OPCML: variants seen among roughly 807,000 people sequenced by gnomAD.
The protein encoded by OPCML is opioid-binding protein/cell adhesion molecule.
Under a neutral mutation model 37.8 loss-of-function variants are expected in OPCML, and 13 were observed. That is an observed-to-expected ratio of 0.34 (90% CI 0.22 to 0.55). OPCML has a LOEUF of 0.55. Ranked by LOEUF, OPCML falls within the 20% of genes least tolerant of loss-of-function variation. OPCML has a pLI of 0.91. For missense variants in OPCML, 341 were observed against 435.6 expected (o/e 0.78, Z 1.93); for synonymous variants, 176 against 168.8 (o/e 1.04, Z -0.33).
Position 132,441,158 on chromosome 11 carries a change from C to CTTTTTT in OPCML, c.506-3805_506-3800dup, listed in dbSNP as rs749099654. Among the ~76,000 whole-genome samples the CTTTTTT allele has an allele frequency of 1.7e-4, 18 of 108,048 alleles. 2 individuals carry two copies. The highest frequency in any genetic ancestry group is 4.8e-4 in the African/African-American group (11 of 22,728). The allele number at this position is 108,048 out of a possible 152,430, so 70.9% of individuals were successfully genotyped here. ...ATTCTGAAGATGTGTTCACCAAGGA[C>CTTTTTT]TTTTTTGTTTTTTTTTTTTTTTTTT... On this transcript the variant is annotated intron_variant, in intron 4 of 7. Transcript: ENST00000524381.
intron 3 of OPCML, among the ~76,000 whole-genome samples, chr11:132,548,085 A>G (rs1283496931): frequency 6.6e-6 from 1 of 152,196 alleles, no homozygotes; most frequent in African/African-American, 2.4e-5. Context: ...GAGAGTTTAA[A>G]TTATAAATGG....
intron 1 of OPCML, among the ~76,000 whole-genome samples, chr11:133,523,197 G>C (rs1046133286): frequency 6.6e-6 from 1 of 152,168 alleles, no homozygotes; most frequent in Non-Finnish European, 1.5e-5. Context: ...CCAGTTAAGA[G>C]ATTGAGATTA....
intron 2 of OPCML, among the ~76,000 whole-genome samples, chr11:132,680,061 A>G (rs1042320711): frequency 1.3e-5 from 2 of 152,118 alleles, no homozygotes; most frequent in African/African-American, 4.8e-5. Context: ...TGTATTCCAG[A>G]ATGTGCTCAG....
chr11:132,468,373 A>G (rs563987539), intron 4 of OPCML, among the ~76,000 whole-genome samples: 6 of 152,280 alleles, frequency 3.9e-5, no homozygotes, highest in Admixed American at 3.9e-4. Context: ...TCAATCCTGA[A>G]CAACTAGTGC....
Position 132,943,729 on chromosome 11 carries a change from T to G in OPCML, c.62-719A>C, listed in dbSNP as rs2136678985. 6.6e-6 allele frequency: 1 copy of G among 151,114 alleles called. No individual in the cohort carries two copies. Among genetic ancestry groups the G allele is most frequent in the South Asian group, 2.1e-4 (1 of 4,812 alleles). The allele number at this position is 151,114 out of a possible 1,614,324, so 9.4% of individuals were successfully genotyped here. A position where few individuals can be genotyped will look rare whatever the true frequency, so the allele number is the denominator to read the frequency against. ...TCGGTGGCCGTCCTCTGCAGCCCGG[T>G]CGGCGACTCGCGGCCAGCCGGGGGA... On this transcript the variant is annotated intron_variant, in intron 1 of 7. Transcript: ENST00000524381. This position sits in a 1 kb window ranked among gnomAD's most constrained non-coding sequence, Gnocchi z 4.3.
intron 1 of OPCML, among the ~76,000 whole-genome samples, chr11:133,456,674 T>C (rs1034175953): frequency 6.6e-6 from 1 of 151,324 alleles, no homozygotes; most frequent in Non-Finnish European, 1.5e-5. Flanking sequence ...CTAAAGGAAA[T>C]TGAGAAAAAG....
At chr11:132,959,345 T>C (rs1026761754) in intron 1 of OPCML, among the ~76,000 whole-genome samples, 2 of 152,226 alleles carry the variant, frequency 1.3e-5, no homozygotes, top group Non-Finnish European at 2.9e-5. Flanking sequence ...AAGTGGTTTC[T>C]TGAGATGGAA....
At chr11:132,655,716 A>C (rs1285167973) in intron 3 of OPCML, among the ~76,000 whole-genome samples, 2 of 152,200 alleles carry the variant, frequency 1.3e-5, no homozygotes, top group Non-Finnish European at 2.9e-5. Context: ...ACATGCCATT[A>C]CAAATGGCTA....
chr11:133,218,822 T>C (rs1220587752), intron 1 of OPCML, among the ~76,000 whole-genome samples: 1 of 152,154 alleles, frequency 6.6e-6, no homozygotes, highest in East Asian at 1.9e-4. Flanking sequence ...TTGGCACTCA[T>C]CTGACTTCAG....
At chr11:132,541,795 T>C (rs913429997) in intron 3 of OPCML, among the ~76,000 whole-genome samples, 21 of 152,112 alleles carry the variant, frequency 1.4e-4, no homozygotes, top group Admixed American at 1.3e-4. Flanking sequence ...GCCCACAGCT[T>C]GAGGTGATCC....
chr11:133,026,014 C>T (rs1293763002), intron 1 of OPCML: 1 of 976,662 alleles, frequency 1.0e-6, no homozygotes, highest in Non-Finnish European at 1.2e-6. Context: ...GGATTACAGA[C>T]ATGAGCCACC....
At chr11:133,369,245 G>C (rs1944621065) in intron 1 of OPCML, among the ~76,000 whole-genome samples, 1 of 152,176 alleles carries the variant, frequency 6.6e-6, no homozygotes, top group African/African-American at 2.4e-5. Flanking sequence ...GTTATGCATA[G>C]AAATTTCTTG....
chr11:132,849,377 G>A (rs1360749363), intron 2 of OPCML, among the ~76,000 whole-genome samples: 1 of 152,186 alleles, frequency 6.6e-6, no homozygotes, highest in Non-Finnish European at 1.5e-5. Context: ...CTAACTGTAG[G>A]CCCAGGCATT....
chr11:133,059,838 G>A (rs932657686), intron 1 of OPCML, among the ~76,000 whole-genome samples: 1 of 152,174 alleles, frequency 6.6e-6, no homozygotes, highest in African/African-American at 2.4e-5. Context: ...TCTCAAAAGG[G>A]AATGAAATTA....
At chr11:133,239,077 CA>C (rs1388951529) in intron 1 of OPCML, among the ~76,000 whole-genome samples, 1 of 152,186 alleles carries the variant, frequency 6.6e-6, no homozygotes, top group Non-Finnish European at 1.5e-5. Context: ...TCGTCAAAGT[CA>C]ACTCAGAAGA....
chr11:132,417,365 C>G lies in OPCML; in HGVS notation c.*2828G>C, dbSNP rs138024032. ...GTCATTTTCACTCCCAGTGAGTACC[C>G]CAGTTGCCTTGGGTTGTATTTACTT... On this transcript the variant is annotated 3_prime_UTR_variant, in exon 8 of 8. Coordinates refer to ENST00000524381, the MANE Select transcript of OPCML (RefSeq NM_001012393.5). The G allele has an allele frequency of 2.0e-5, 3 of 152,258 alleles. No homozygotes were observed. In the East Asian group the frequency reaches 5.8e-4, roughly 29 times the overall value. 9.4% of individuals were successfully genotyped at this position (152,258 alleles called of 1,614,324 possible).
chr11:132,515,323 A>G (rs1469924490), intron 4 of OPCML, among the ~76,000 whole-genome samples: 1 of 152,208 alleles, frequency 6.6e-6, no homozygotes. Context: ...AAAGACAGGC[A>G]GAAAGGACTT....
chr11:133,123,949 A>G (rs1371818554), intron 1 of OPCML, among the ~76,000 whole-genome samples: 1 of 152,118 alleles, frequency 6.6e-6, no homozygotes, highest in Non-Finnish European at 1.5e-5. Flanking sequence ...GCCACCCCCA[A>G]GAAGTTGGCA....
At chr11:132,679,846 C>A (rs548278750) in intron 2 of OPCML, among the ~76,000 whole-genome samples, 2 of 152,256 alleles carry the variant, frequency 1.3e-5, no homozygotes, top group Non-Finnish European at 2.9e-5. Context: ...TTCAGGTGAT[C>A]AAAATTAATG....
Sources: allele counts gnomAD v4.1 joint callset (sites outside exome capture counted in the v4.1 genomes callset), GRCh38; gene constraint gnomAD v4.1.1; non-coding constraint Gnocchi (gnomAD v3.1); transcripts MANE v1.5; gene names NCBI Gene and HGNC (gene_info 2026-07-23, HGNC 2026-07-21).